Variants in ACBD6 observed in about 807,000 individuals in gnomAD.
The protein encoded by ACBD6 is acyl-CoA-binding domain-containing protein 6.
ACBD6 carries 28 observed loss-of-function variants against 37.2 expected under a neutral mutation model. The observed-to-expected ratio is 0.75, with a 90% CI of 0.56 to 1.03. The LOEUF (loss-of-function observed/expected upper bound fraction) is 1.03, where lower values mean the gene tolerates loss of function less well. ACBD6 is among the 50% of genes least tolerant of loss of function. The pLI, the probability that ACBD6 is intolerant of heterozygous loss-of-function variation, is 0.00. For missense variants in ACBD6, 340 were observed against 337.4 expected (o/e 1.01, Z -0.06); for synonymous variants, 113 against 126.8 (o/e 0.89, Z 0.73).
chr1:180,349,578 A>T (rs1366209081), intron 6 of ACBD6, among the ~76,000 whole-genome samples: 12 of 19,788 alleles, frequency 6.1e-4, no homozygotes, highest in Non-Finnish European at 1.3e-3. Flanking sequence ...AGTATAAAAA[A>T]ATAAATAAAA....
chr1:180,384,580 C>T (rs1159046978), intron 6 of ACBD6, among the ~76,000 whole-genome samples: 1 of 116,004 alleles, frequency 8.6e-6, no homozygotes, highest in Non-Finnish European at 1.7e-5. Flanking sequence ...CACTATGGGG[C>T]AACAGTATGA....
intron 7 of ACBD6, among the ~76,000 whole-genome samples, chr1:180,293,408 A>G (rs1649793270): frequency 6.6e-6 from 1 of 151,760 alleles, no homozygotes; most frequent in Non-Finnish European, 1.5e-5. Context: ...CCTGGGTTCA[A>G]GCAATTCTCC....
At chr1:180,389,264 T>C (rs1250774019) in intron 6 of ACBD6, among the ~76,000 whole-genome samples, 1 of 152,218 alleles carries the variant, frequency 6.6e-6, no homozygotes, top group Non-Finnish European at 1.5e-5. Flanking sequence ...TGGTTTTTAG[T>C]CCTTGTGATA....
intron 6 of ACBD6, among the ~76,000 whole-genome samples, chr1:180,367,136 T>A (rs1315992324): frequency 3.9e-5 from 6 of 152,232 alleles, no homozygotes; most frequent in African/African-American, 1.4e-4. Flanking sequence ...GATCTGTAAA[T>A]ACTGGTTTAA....
At chr1:180,337,652 A>G (rs1651796606) in intron 6 of ACBD6, among the ~76,000 whole-genome samples, 1 of 152,226 alleles carries the variant, frequency 6.6e-6, no homozygotes, top group Non-Finnish European at 1.5e-5. Context: ...AGTTCTGGCC[A>G]GGGCAATCAG....
intron 6 of ACBD6, among the ~76,000 whole-genome samples, chr1:180,396,456 T>A (rs1451981027): frequency 2.6e-5 from 4 of 151,826 alleles, no homozygotes; most frequent in Admixed American, 1.3e-4. Flanking sequence ...ATAGAGTTCA[T>A]CAAAATTTAC....
intron 5 of ACBD6, among the ~76,000 whole-genome samples, chr1:180,406,074 A>G (rs1455443011): frequency 6.6e-6 from 1 of 152,154 alleles, no homozygotes; most frequent in Non-Finnish European, 1.5e-5. Context: ...AAAACATCTA[A>G]GCATAACTAC....
At chr1:180,459,957 C>G (rs1037006399) in intron 3 of ACBD6, among the ~76,000 whole-genome samples, 2 of 146,782 alleles carry the variant, frequency 1.4e-5, no homozygotes, top group African/African-American at 5.1e-5. Context: ...AAAGCATGAC[C>G]AGACTGCTTC....
rs1022523737 is a variant in ACBD6, at chr1:180,303,957, C to A, written c.694+10735G>T. Among the ~76,000 whole-genome samples, 26 of 150,822 alleles carry A rather than the reference C, an allele frequency of 1.7e-4. 2 individuals are homozygous for A. Among genetic ancestry groups the A allele is most frequent in the South Asian group, 6.3e-4 (3 of 4,734 alleles). ...GGATGCAAGGCTGGTTCAACATACG[C>A]AAATCAATAAACGTAATCCAGCATA... is the stretch of plus-strand genomic sequence containing the variant. On this transcript the variant is annotated intron_variant, in intron 7 of 7. Coordinates refer to ENST00000367595, the MANE Select transcript of ACBD6 (RefSeq NM_032360.4).
At chr1:180,351,248 C>G (rs1652403741) in intron 6 of ACBD6, among the ~76,000 whole-genome samples, 1 of 150,224 alleles carries the variant, frequency 6.7e-6, no homozygotes, top group South Asian at 2.1e-4. Context: ...TCCCTTTAAT[C>G]TGGGTGCTGT....
chr1:180,314,314 G>A (rs181424646), intron 7 of ACBD6, among the ~76,000 whole-genome samples: 28 of 151,936 alleles, frequency 1.8e-4, no homozygotes, highest in African/African-American at 6.5e-4. Context: ...GTGCAATCTC[G>A]GTTCACTGCA....
At chr1:180,495,331 C>T (rs574461144) in intron 2 of ACBD6, 130 bp downstream of exon 2, 5 of 637,394 alleles carry the variant, frequency 7.8e-6, no homozygotes, top group East Asian at 5.6e-5. Context: ...AATTGCCTGT[C>T]ATTAGTACAA....
chr1:180,459,209 T>C (rs1301683382), intron 3 of ACBD6, among the ~76,000 whole-genome samples: 1 of 152,210 alleles, frequency 6.6e-6, no homozygotes, highest in Non-Finnish European at 1.5e-5. Context: ...TTTTAGTAAT[T>C]TGGCTCCAGT....
chr1:180,296,354 G>C (rs1649917227), intron 7 of ACBD6, among the ~76,000 whole-genome samples: 1 of 152,250 alleles, frequency 6.6e-6, no homozygotes, highest in Non-Finnish European at 1.5e-5. Flanking sequence ...TGATGCAGAA[G>C]TGAGAGCAAG....
chr1:180,311,268 A>C (rs1405739554), intron 7 of ACBD6, among the ~76,000 whole-genome samples: 1 of 152,188 alleles, frequency 6.6e-6, no homozygotes, highest in African/African-American at 2.4e-5. Flanking sequence ...AGAGGAAATG[A>C]CAAAAACATG....
intron 6 of ACBD6, among the ~76,000 whole-genome samples, chr1:180,384,145 AAC>A (rs1491012975): frequency 4.6e-5 from 7 of 151,986 alleles, no homozygotes; most frequent in African/African-American, 1.7e-4. Flanking sequence ...AAAAAAAAAA[AAC>A]AAAAATAGCT....
intron 2 of ACBD6, 108 bp downstream of exon 2, chr1:180,495,349 CAGAG>C (rs770406792): frequency 4.2e-5 from 32 of 760,828 alleles, no homozygotes; most frequent in African/African-American, 8.8e-5. Flanking sequence ...CAATCTACAG[CAGAG>C]AGAGAGATTA....
intron 6 of ACBD6, among the ~76,000 whole-genome samples, chr1:180,338,728 C>G (rs527714730): frequency 3.3e-5 from 5 of 152,052 alleles, no homozygotes; most frequent in African/African-American, 9.7e-5. Flanking sequence ...GAAACTACCA[C>G]CAGAGTGAAT....
intron 6 of ACBD6, among the ~76,000 whole-genome samples, chr1:180,355,959 C>G (rs1051430564): frequency 3.3e-5 from 5 of 152,048 alleles, no homozygotes; most frequent in Non-Finnish European, 7.4e-5. Flanking sequence ...CCTCTGCCTC[C>G]CGGGTTCAAG....
Sources: allele counts gnomAD v4.1 joint callset (sites outside exome capture counted in the v4.1 genomes callset), GRCh38; gene constraint gnomAD v4.1.1; transcripts MANE v1.5; gene names NCBI Gene and HGNC (gene_info 2026-07-23, HGNC 2026-07-21).